INO80: variants seen among roughly 807,000 people sequenced by gnomAD.
INO80 encodes chromatin-remodeling ATPase INO80.
INO80 carries 20 observed loss-of-function variants against 203.4 expected under a neutral mutation model. That is an observed-to-expected ratio of 0.10 (90% CI 0.07 to 0.14). INO80 has a LOEUF of 0.14. Among genes scored for constraint, INO80 ranks in the 10% least tolerant of loss-of-function variants. INO80 has a pLI of 1.00. For synonymous variants in INO80, 726 were observed against 685.2 expected, an observed-to-expected ratio of 1.06 and a Z score of -0.93; for missense variants, 1,419 against 1,914.4, an observed-to-expected ratio of 0.74 and a Z score of 4.83.
intron 31 of INO80, 84 bp from the exon 32 acceptor site, chr15:40,985,510 C>T: frequency 1.0e-6 from 1 of 974,650 alleles, no homozygotes; most frequent in Non-Finnish European, 1.7e-6. Context: ...GCCATATCCC[C>T]TGATGTTTAT....
At chr15:41,022,130 T>C (rs575155679) in intron 25 of INO80, among the ~76,000 whole-genome samples, 1 of 152,298 alleles carries the variant, frequency 6.6e-6, no homozygotes, top group East Asian at 1.9e-4. Context: ...TTGGAGCATT[T>C]TGGGTTTGGG....
chr15:41,029,049 T>A (rs1403005672), intron 24 of INO80, among the ~76,000 whole-genome samples: 1 of 152,236 alleles, frequency 6.6e-6, no homozygotes, highest in Non-Finnish European at 1.5e-5. Flanking sequence ...TGCATTCTTA[T>A]TTGTTTTACT....
chr15:41,085,899 G>A (rs181630995), intron 6 of INO80, among the ~76,000 whole-genome samples: 2 of 151,998 alleles, frequency 1.3e-5, no homozygotes, highest in East Asian at 3.9e-4. Flanking sequence ...TCGCCCTGTC[G>A]CCCAGGTTGG....
intron 29 of INO80, among the ~76,000 whole-genome samples, chr15:40,995,898 A>C (rs1397369824): frequency 2.0e-5 from 3 of 152,212 alleles, no homozygotes; most frequent in Non-Finnish European, 4.4e-5. Flanking sequence ...ACAGATGCTG[A>C]TGATGTACAG....
intron 29 of INO80, among the ~76,000 whole-genome samples, chr15:40,988,399 A>G (rs1415050611): frequency 6.6e-6 from 1 of 152,258 alleles, no homozygotes. Context: ...TTTGTAGTTT[A>G]GGAGAATGAG....
At chr15:40,982,779 T>C (rs1186294207) in intron 35 of INO80, 83 bp downstream of exon 35, 1 of 1,137,104 alleles carries the variant, frequency 8.8e-7, no homozygotes, top group African/African-American at 1.5e-5. Context: ...CTTCAGGGTT[T>C]CCTACATGTT....
At chr15:41,030,085 C>T (rs1413853274) in intron 24 of INO80, among the ~76,000 whole-genome samples, 1 of 152,170 alleles carries the variant, frequency 6.6e-6, no homozygotes, top group African/African-American at 2.4e-5. Context: ...TATCAGGTAT[C>T]GCATTAATTC....
chr15:41,044,961 A>G lies in INO80; in HGVS notation c.2850T>C (p.Leu950=), dbSNP rs746305349. The G allele has an allele frequency of 1.9e-5, 31 of 1,613,832 alleles. No individual in the cohort carries two copies. Among genetic ancestry groups the G allele is most frequent in the Middle Eastern group, 3.3e-4 (2 of 6,084 alleles). Residue 950 remains leucine, a synonymous_variant, in exon 24 of 36, where the codon CTT becomes CTC. Coordinates refer to ENST00000648947, the MANE Select transcript of INO80 (RefSeq NM_017553.3). ...AGGAGAGTGGAAAATTAACCCCAAG[A>G]AGGAAATCCTTGTTCCTCAGGTATC... ...HQRYLRNKDF[L]LGVNFPLSFP...
In INO80 at chr15:40,997,548, T is replaced by C; in HGVS notation, c.3551A>G (p.Asn1184Ser). 2 of 1,611,430 alleles carry C rather than the reference T, an allele frequency of 1.2e-6. No homozygotes were observed. The highest frequency in any genetic ancestry group is 8.5e-7 in the Non-Finnish European group (1 of 1,177,610). The change falls in exon 29 of 36, where the codon AAT (asparagine) becomes AGT (serine). Residue 1184 changes from asparagine to serine, a missense_variant. Physicochemically the swap from Asn to Ser is conservative, Grantham distance 46 (BLOSUM62 1). Transcript: ENST00000648947. ...ACTTACTGTGTCTGCAGCAGTGAGA[T>C]TGATACCCAGTCCTCCAGCTCGTGT... ...LSTRAGGLGI[N>S]LTAADTVIFY...
intron 24 of INO80, among the ~76,000 whole-genome samples, chr15:41,040,787 A>C (rs2044653999): frequency 6.6e-6 from 1 of 152,162 alleles, no homozygotes; most frequent in African/African-American, 2.4e-5. Context: ...TTTCAAAAAA[A>C]AAAGGGTGGG....
At chr15:41,034,253 T>C (rs148035678) in intron 24 of INO80, among the ~76,000 whole-genome samples, 50 of 152,060 alleles carry the variant, frequency 3.3e-4, no homozygotes, top group African/African-American at 1.1e-3. Flanking sequence ...GGTGGGTGAG[T>C]GCAAGGGTTT....
chr15:41,034,744 C>CT (rs1364442575), intron 24 of INO80, among the ~76,000 whole-genome samples: 2 of 152,152 alleles, frequency 1.3e-5, no homozygotes, highest in African/African-American at 4.8e-5. Flanking sequence ...CCCCATGTCT[C>CT]TTCTCAGGTT....
In INO80 at chr15:41,085,488, C is replaced by T; in HGVS notation, c.754G>A (p.Ala252Thr). The T allele has an allele frequency of 6.2e-7, 1 of 1,614,122 alleles. No individual in the cohort carries two copies. Residue 252 changes from alanine (A) to threonine (T), a missense_variant, in exon 7 of 36, where the codon GCC becomes ACC. Physicochemically the swap from Ala to Thr is moderately conservative, Grantham distance 58 (BLOSUM62 0). Around this residue, in one of 9 missense-constraint regions of INO80, gnomAD observed 323 missense variants for 325.4 expected, o/e 0.99. Transcript: ENST00000648947. ...RRHHHQTKVF[A>T]KFSHDAPPPG... ...GGAGGTGCATCGTGAGAAAACTTGG[C>T]AAAGACTTTGGTCTGGTGGTGATGG...
chr15:41,069,748 C>G (rs1022879537), intron 13 of INO80, 83 bp from the exon 14 acceptor site: 3 of 752,882 alleles, frequency 4.0e-6, no homozygotes, highest in Admixed American at 2.7e-5. Context: ...CAAGAACAAT[C>G]TAAGAATAGG....
At chr15:41,003,523 T>C (rs1007979160) in intron 28 of INO80, among the ~76,000 whole-genome samples, 16 of 151,440 alleles carry the variant, frequency 1.1e-4, no homozygotes, top group African/African-American at 3.4e-4. Context: ...AGAGACGGGG[T>C]TTCACCATGT....
At chr15:41,000,706 C>CAAAAAAAAAAAAAAAA (rs58232890) in intron 28 of INO80, among the ~76,000 whole-genome samples, 55 of 56,696 alleles carry the variant, frequency 9.7e-4, no homozygotes, top group Non-Finnish European at 1.5e-3. Flanking sequence ...CACCCTGTCT[C>CAAAAAAAAAAAAAAAA]AAAAAAAAAA....
At chr15:41,095,198 G>A (rs2045704041) in intron 4 of INO80, among the ~76,000 whole-genome samples, 1 of 152,170 alleles carries the variant, frequency 6.6e-6, no homozygotes, top group Non-Finnish European at 1.5e-5. Context: ...AAAATTAGCT[G>A]GGCGTGGTGG....
chr15:41,083,926 T>C (rs1379763061), intron 7 of INO80, among the ~76,000 whole-genome samples: 2 of 152,146 alleles, frequency 1.3e-5, no homozygotes, highest in East Asian at 1.9e-4. Flanking sequence ...TTTTTAACTG[T>C]AGAGGTTTTG....
chr15:41,024,130 C>G (rs541374357), intron 25 of INO80, among the ~76,000 whole-genome samples: 10 of 152,046 alleles, frequency 6.6e-5, no homozygotes, highest in Admixed American at 2.0e-4. Flanking sequence ...GATACCCTTC[C>G]AGGTCTAGGA....
Sources: allele counts gnomAD v4.1 joint callset (sites outside exome capture counted in the v4.1 genomes callset), GRCh38; gene constraint gnomAD v4.1.1; regional missense constraint gnomAD v4.1.1; transcripts MANE v1.5; gene names NCBI Gene and HGNC (gene_info 2026-07-23, HGNC 2026-07-21).